DRG1: variants seen among roughly 807,000 people sequenced by gnomAD.
The protein encoded by DRG1 is developmentally regulated GTP binding protein 1.
DRG1 carries 19 observed loss-of-function variants against 38.8 expected under a neutral mutation model. That is an observed-to-expected ratio of 0.49 (90% CI 0.34 to 0.72). DRG1 has a LOEUF of 0.72. Ranked by LOEUF, DRG1 falls within the 30% of genes least tolerant of loss-of-function variation. The pLI is 0.01. For synonymous variants in DRG1, 167 were observed against 157.5 expected (o/e 1.06, Z -0.45); for missense variants, 299 against 444.8 (o/e 0.67, Z 2.95).
chr22:31,433,272 A>ATTTT (rs695603), intron 8 of DRG1, among the ~76,000 whole-genome samples: 2 of 132,618 alleles, frequency 1.5e-5, no homozygotes, highest in African/African-American at 2.8e-5. Flanking sequence ...TTAAAGACGG[A>ATTTT]TTTTTTTTTT....
chr22:31,427,266 A>G, intron 8 of DRG1, 84 bp downstream of exon 8: 1 of 1,509,312 alleles, frequency 6.6e-7, no homozygotes, highest in Non-Finnish European at 8.9e-7. Context: ...TAGCATTTTA[A>G]AAAAGAAGGC....
At chr22:31,408,673 A>C (rs924840718) in intron 3 of DRG1, among the ~76,000 whole-genome samples, 3 of 150,906 alleles carry the variant, frequency 2.0e-5, no homozygotes, top group African/African-American at 7.3e-5. Flanking sequence ...GAATCGCTTG[A>C]ACCTGGGAGG....
chr22:31,430,664 G>C (rs1228627429), intron 8 of DRG1, among the ~76,000 whole-genome samples: 7 of 152,068 alleles, frequency 4.6e-5, no homozygotes, highest in African/African-American at 7.2e-5. Flanking sequence ...CTCTCAAAGT[G>C]CTGGGATTAC....
intron 4 of DRG1, among the ~76,000 whole-genome samples, chr22:31,412,924 T>A (rs1258781086): frequency 2.0e-5 from 3 of 151,912 alleles, no homozygotes; most frequent in African/African-American, 7.2e-5. Context: ...TTTTTATTTT[T>A]AATTTCCATC....
chr22:31,407,936 T>G (rs1330464215), intron 3 of DRG1, among the ~76,000 whole-genome samples: 1 of 149,208 alleles, frequency 6.7e-6, no homozygotes, highest in African/African-American at 2.5e-5. Flanking sequence ...GCTTGGCCAA[T>G]GTGGTGAAAC....
At position 31,426,777 on chromosome 22, in the gene DRG1, G is replaced by A. The variant is rs1280811156; in HGVS notation, c.876G>A (p.Val292=). The A allele has an allele frequency of 1.2e-6, 2 of 1,613,798 alleles. No individual in the cohort carries two copies. Among genetic ancestry groups the A allele is most frequent in the Non-Finnish European group, 1.7e-6 (2 of 1,179,920 alleles). Residue 292 remains valine, a synonymous_variant, in exon 7 of 9, where the codon GTG becomes GTA. Transcript: ENST00000331457. ...AGATCTGGGACTATCTGAAACTAGTGAGAATGTAAGTCTTTGTGGATAGGG... is the reference window on the plus strand; with the variant it reads ...AGATCTGGGACTATCTGAAACTAGTAAGAATGTAAGTCTTTGTGGATAGGG... ...LEKIWDYLKL[V]RIYTKPKGQL... is the part of the protein sequence containing the mutation.
chr22:31,408,583 A>G (rs2050001890), intron 3 of DRG1, among the ~76,000 whole-genome samples: 1 of 151,696 alleles, frequency 6.6e-6, no homozygotes, highest in East Asian at 2.0e-4. Context: ...ACTTGTCTCT[A>G]CTAAAAATAC....
chr22:31,422,956 T>C (rs1276876255), intron 5 of DRG1, among the ~76,000 whole-genome samples: 1 of 152,136 alleles, frequency 6.6e-6, no homozygotes, highest in African/African-American at 2.4e-5. Context: ...AGTATTGGAT[T>C]ATGGCCCCAC....
rs75732306 is a variant in DRG1 at position 31,420,505 on chromosome 22, T to C, written c.582+80T>C. On this transcript the variant is annotated intron_variant, in intron 5 of 8. Transcript: ENST00000331457. ...GGATTGGGGTGCATGGACCCTGACA[T>C]TGGAAAATTTCCTGGCTTTTCCCTG... is the stretch of plus-strand genomic sequence containing the variant. The C allele has an allele frequency of 1.6e-3, 2,541 of 1,541,390 alleles. 41 individuals are homozygous for C. The African/African-American group carries it at 0.031, about 19-fold the overall frequency.
intron 6 of DRG1, 185 bp from the exon 7 acceptor site, chr22:31,426,430 A>G (rs2050110771): frequency 1.9e-6 from 1 of 539,988 alleles, no homozygotes; most frequent in East Asian, 3.1e-5. Context: ...CTAGGGCCTG[A>G]CTTCTGTTAC....
At chr22:31,401,006 T>G (rs2049958027) in intron 2 of DRG1, among the ~76,000 whole-genome samples, 2 of 152,238 alleles carry the variant, frequency 1.3e-5, no homozygotes, top group South Asian at 4.1e-4. Flanking sequence ...TAAAGTAGAT[T>G]TATATTTTCT....
At chr22:31,433,557 C>T (rs1311332073) in intron 8 of DRG1, among the ~76,000 whole-genome samples, 1 of 152,168 alleles carries the variant, frequency 6.6e-6, no homozygotes, top group African/African-American at 2.4e-5. Flanking sequence ...AGGCATGAGC[C>T]CCTGCGCCCG....
intron 1 of DRG1, 43 bp from the exon 2 acceptor site, chr22:31,400,577 C>G: frequency 6.3e-7 from 1 of 1,597,858 alleles, no homozygotes; most frequent in South Asian, 1.1e-5. Context: ...CTGGGGGAAG[C>G]GTTCACTGCT....
chr22:31,429,644 T>C (rs1319556338), intron 8 of DRG1, among the ~76,000 whole-genome samples: 5 of 151,952 alleles, frequency 3.3e-5, no homozygotes, highest in Non-Finnish European at 7.4e-5. Flanking sequence ...TGTGTTCTTT[T>C]GATAAGCTCC....
chr22:31,410,405 A>G (rs2050011868), intron 3 of DRG1, among the ~76,000 whole-genome samples: 1 of 151,250 alleles, frequency 6.6e-6, no homozygotes. Flanking sequence ...CAGTGAGCAG[A>G]GGTGGCACCA....
At chr22:31,420,155 T>C in intron 4 of DRG1, 101 bp from the exon 5 acceptor site, 2 of 1,347,080 alleles carry the variant, frequency 1.5e-6, no homozygotes, top group Non-Finnish European at 2.0e-6. Flanking sequence ...AAAAATCCTT[T>C]GACACTTAAA....
intron 3 of DRG1, among the ~76,000 whole-genome samples, chr22:31,404,251 T>C (rs1156752387): frequency 4.0e-5 from 6 of 150,290 alleles, no homozygotes; most frequent in East Asian, 1.9e-4. Flanking sequence ...TAATCTTCTT[T>C]TTTTTTTTTT....
intron 3 of DRG1, 29 bp from the exon 4 acceptor site, chr22:31,410,983 A>G (rs1036652122): frequency 2.5e-6 from 4 of 1,609,416 alleles, no homozygotes; most frequent in Non-Finnish European, 3.4e-6. Context: ...TTTTTCTTTC[A>G]TCCTCTTCCC....
At chr22:31,419,780 A>G (rs573363060) in intron 4 of DRG1, among the ~76,000 whole-genome samples, 1 of 152,298 alleles carries the variant, frequency 6.6e-6, no homozygotes, top group African/African-American at 2.4e-5. Flanking sequence ...GCAGTGGCTC[A>G]TGCCTGTAAT....
Sources: gnomAD v4.1 joint callset for allele counts (sites outside exome capture counted in the v4.1 genomes callset) on GRCh38, gnomAD v4.1.1 for gene constraint, MANE v1.5 for transcripts, NCBI Gene and HGNC (gene_info 2026-07-23, HGNC 2026-07-21) for gene names.